IL18R1: variants seen among roughly 807,000 people sequenced by gnomAD.
IL18R1 encodes interleukin-18 receptor 1.
In IL18R1, 40 loss-of-function variants were observed where a neutral mutation model predicts 48.5. The ratio of observed to expected loss-of-function variants is 0.82; its 90% CI spans 0.64 to 1.07. IL18R1 has a LOEUF of 1.07. Among genes scored for constraint, IL18R1 ranks in the 50% least tolerant of loss-of-function variants. The pLI, the probability that IL18R1 is intolerant of heterozygous loss-of-function variation, is 0.00. For missense variants in IL18R1, 596 were observed against 633.7 expected, an observed-to-expected ratio of 0.94 and a Z score of 0.64; for synonymous variants, 232 against 225.9, an observed-to-expected ratio of 1.03 and a Z score of -0.24.
At position 102,366,726 on chromosome 2, in the gene IL18R1, G is replaced by A. The variant is rs537726430; in HGVS notation, c.59-1099G>A. Among the ~76,000 whole-genome samples the A allele has an allele frequency of 3.9e-5, 6 of 152,230 alleles. No homozygotes were observed. In the South Asian group the frequency reaches 1.2e-3, roughly 32 times the overall value. ...AGGCCTCAGGAAACTTACAAAAGGG[G>A]GAAAAGCCCCTTACAAAACCATCAG... On this transcript the variant is annotated intron_variant, in intron 2 of 10. Transcript: ENST00000233957.
chr2:102,362,271 T>G (rs1034068061), intron 1 of IL18R1, among the ~76,000 whole-genome samples: 1 of 152,222 alleles, frequency 6.6e-6, no homozygotes, highest in Admixed American at 6.5e-5. Context: ...CTGCCATACA[T>G]AGCTCAGCAT....
In IL18R1 at chr2:102,386,963, A is replaced by G. The variant is rs1359360568; in HGVS notation, c.912A>G (p.Gly304=). 6.2e-7 allele frequency: 1 copy of G among 1,613,910 alleles called. No individual in the cohort carries two copies. The highest frequency in any genetic ancestry group is 1.3e-5 in the African/African-American group (1 of 75,032). The part of the protein sequence containing the change: ...VLYNCTVAST[G]GTDTKSFILV... Reference sequence around the variant, plus strand: ...ATAATTGCACTGTGGCCAGCACGGGAGGCACAGACACCAAAAGCTTCATCT... The same window carrying G: ...ATAATTGCACTGTGGCCAGCACGGGGGGCACAGACACCAAAAGCTTCATCT... Residue 304 remains glycine, a synonymous_variant, in exon 8 of 11, where the codon GGA becomes GGG. Transcript: ENST00000233957.
intron 9 of IL18R1, among the ~76,000 whole-genome samples, chr2:102,392,437 T>G (rs1680606067): frequency 6.6e-6 from 1 of 152,204 alleles, no homozygotes; most frequent in Non-Finnish European, 1.5e-5. Context: ...TTTGACATGA[T>G]TTGCGGTAAT....
Position 102,357,945 on chromosome 2 carries a change from AT to A in IL18R1, c.-29+1546del, listed in dbSNP as rs561926619. On this transcript the variant is annotated intron_variant, in intron 1 of 10. Transcript: ENST00000233957. ...TCTCCTCTTTGCATTTGGTTGTTTT[AT>A]CATCTCACAGGCTGAGTAAAACGAC... Among the ~76,000 whole-genome samples the A allele has an allele frequency of 1.8e-3, 269 of 152,084 alleles. 3 individuals carry two copies. The highest frequency in any genetic ancestry group is 5.8e-3 in the African/African-American group (242 of 41,446).
intron 4 of IL18R1, among the ~76,000 whole-genome samples, chr2:102,372,645 TA>T (rs1378243838): frequency 3.3e-5 from 5 of 152,304 alleles, no homozygotes; most frequent in Non-Finnish European, 7.3e-5. Context: ...TGGTATATTT[TA>T]TTTTTTTATG....
intron 3 of IL18R1, among the ~76,000 whole-genome samples, chr2:102,369,460 T>A (rs1053625552): frequency 8.6e-5 from 13 of 152,020 alleles, no homozygotes; most frequent in African/African-American, 3.1e-4. Flanking sequence ...TAGGAGATGC[T>A]AAGAAAAATG....
At position 102,356,428 on chromosome 2, in the gene IL18R1, A is replaced by C. The variant is rs1349367410; in HGVS notation, c.-29+28A>C. On this transcript the variant is annotated intron_variant, in intron 1 of 10. Coordinates refer to ENST00000233957, the MANE Select transcript of IL18R1 (RefSeq NM_003855.5). ...AAGGGTGGGCTCCGCTGCCACCCGC[A>C]TCCCCTCCCCACCCCCCAGAGGAAG... is the stretch of plus-strand genomic sequence containing the variant. 4.4e-6 allele frequency: 3 copies of C among 687,972 alleles called. No individual in the cohort carries two copies. The African/African-American group carries it at 6.0e-5, about 14-fold the overall frequency. 42.6% of individuals were successfully genotyped at this position (687,972 alleles called of 1,614,324 possible).
chr2:102,390,198 A>T lies in IL18R1; in HGVS notation c.1092A>T (p.Arg364Ser). 1 of 1,614,010 alleles carries T rather than the reference A, an allele frequency of 6.2e-7. No individual in the cohort carries two copies. Among genetic ancestry groups the T allele is most frequent in the Non-Finnish European group, 8.5e-7 (1 of 1,179,904 alleles). Residue 364 changes from arginine (R) to serine (S), a missense_variant, in exon 9 of 11, where the codon AGA becomes AGT. By Grantham distance (110) the Arg-to-Ser change is moderately radical. Around this residue, in one of 3 missense-constraint regions of IL18R1, gnomAD observed 179 missense variants for 206.1 expected, o/e 0.87. Coordinates refer to ENST00000233957, the MANE Select transcript of IL18R1 (RefSeq NM_003855.5). ...TTCTATTTTATAGACATTTAACGAG[A>T]AGAGATGAAACATTAACAGGTAACA... The part of the protein sequence containing the change: ...DLVLFYRHLT[R>S]RDETLTDGKT...
intron 8 of IL18R1, among the ~76,000 whole-genome samples, chr2:102,388,434 G>A (rs1680369548): frequency 6.6e-6 from 1 of 152,222 alleles, no homozygotes. Context: ...TGCAGGGCTT[G>A]TCGCCTGTGG....
At chr2:102,387,216 A>G (rs1680284281) in intron 8 of IL18R1, among the ~76,000 whole-genome samples, 1 of 152,184 alleles carries the variant, frequency 6.6e-6, no homozygotes, top group Admixed American at 6.5e-5. Flanking sequence ...TCACAGTCAT[A>G]TTCCATCCCA....
At chr2:102,394,355 T>C in intron 9 of IL18R1, 114 bp from the exon 10 acceptor site, 1 of 749,864 alleles carries the variant, frequency 1.3e-6, no homozygotes, top group Non-Finnish European at 2.1e-6. Flanking sequence ...CAACTTTATA[T>C]ATAATTTGTT....
intron 10 of IL18R1, among the ~76,000 whole-genome samples, chr2:102,395,343 TAA>T (rs58693797): frequency 7.0e-6 from 1 of 143,394 alleles, no homozygotes; most frequent in African/African-American, 2.5e-5. Context: ...TACTGATGCT[TAA>T]AAAAAAAAAA....
chr2:102,364,400 T>C (rs778578865), intron 2 of IL18R1, among the ~76,000 whole-genome samples: 3 of 152,216 alleles, frequency 2.0e-5, no homozygotes, highest in Non-Finnish European at 4.4e-5. Context: ...AACAATCATG[T>C]CAAAATAACC....
rs988304168 is a variant in IL18R1, at chr2:102,397,156, T to C, written c.*270T>C. 5.6e-6 allele frequency: 2 copies of C among 360,130 alleles called. No homozygotes were observed. The highest frequency in any genetic ancestry group is 9.9e-6 in the Non-Finnish European group (2 of 201,612). The allele number at this position is 360,130 out of a possible 1,614,324, so 22.3% of individuals were successfully genotyped here. On this transcript the variant is annotated 3_prime_UTR_variant, in exon 11 of 11. Transcript: ENST00000233957. The stretch of plus-strand genomic sequence containing the variant: ...TTTCATAACTGGATGCAGCTGCTCA[T>C]ACTCAATCCCATATTCAGCAAGTGT...
intron 5 of IL18R1, among the ~76,000 whole-genome samples, chr2:102,379,008 G>A (rs1262137183): frequency 6.6e-6 from 1 of 152,156 alleles, no homozygotes; most frequent in Non-Finnish European, 1.5e-5. Flanking sequence ...AGATCTCTCA[G>A]CTGCTACATA....
In IL18R1 at chr2:102,368,100, C is replaced by G. The variant is rs376851277; in HGVS notation, c.302+32C>G. 43 of 1,611,548 alleles carry G rather than the reference C, an allele frequency of 2.7e-5. No homozygotes were observed. The African/African-American group carries it at 5.2e-4, about 20-fold the overall frequency. On this transcript the variant is annotated intron_variant, in intron 3 of 10. Transcript: ENST00000233957. Reference sequence around the variant, plus strand: ...AACCCTTTCTTTTCAAAATGTATTTCACAGCCCTCTTGTCCTTTGTTCAGC... The same window carrying G: ...AACCCTTTCTTTTCAAAATGTATTTGACAGCCCTCTTGTCCTTTGTTCAGC...
chr2:102,395,181 GT>G (rs66489852), intron 10 of IL18R1, among the ~76,000 whole-genome samples: 5,458 of 151,926 alleles, frequency 0.036, 301 homozygotes, highest in African/African-American at 0.12. Context: ...GAAATTCAAT[GT>G]TTTTTTTATT....
chr2:102,368,876 G>C (rs1269902877), intron 3 of IL18R1, among the ~76,000 whole-genome samples: 1 of 152,128 alleles, frequency 6.6e-6, no homozygotes, highest in Non-Finnish European at 1.5e-5. Flanking sequence ...TCTTTTAGAA[G>C]CACTTCTAGA....
In IL18R1 at chr2:102,386,847, T is replaced by C. The variant is rs1680258391; in HGVS notation, c.810-14T>C. 1 of 1,613,624 alleles carries C rather than the reference T, an allele frequency of 6.2e-7. No homozygotes were observed. The highest frequency in any genetic ancestry group is 8.5e-7 in the Non-Finnish European group (1 of 1,179,796). The stretch of plus-strand genomic sequence containing the variant: ...GAACAGAGCCTACTGCTAAATTATT[T>C]TGCCCTCTTACAGGACTCCAGAAGG... On this transcript the variant is annotated splice_polypyrimidine_tract_variant and intron_variant, in intron 7 of 10. Transcript: ENST00000233957.
Sources: gnomAD v4.1 joint callset for allele counts (sites outside exome capture counted in the v4.1 genomes callset) on GRCh38, gnomAD v4.1.1 for gene constraint, gnomAD v4.1.1 regional missense constraint, MANE v1.5 for transcripts, NCBI Gene and HGNC (gene_info 2026-07-23, HGNC 2026-07-21) for gene names.